REV3L: variants seen among roughly 807,000 people sequenced by gnomAD.
The protein encoded by REV3L is DNA polymerase zeta catalytic subunit.
REV3L carries 69 observed loss-of-function variants against 299.4 expected under a neutral mutation model. The ratio of observed to expected loss-of-function variants is 0.23; its 90% confidence interval spans 0.19 to 0.28. The LOEUF (loss-of-function observed/expected upper bound fraction) is 0.28. REV3L is among the 10% of genes least tolerant of loss of function. The pLI, the probability that REV3L is intolerant of heterozygous loss-of-function variation, is 1.00. For missense variants in REV3L, 3,128 were observed against 3,693.8 expected (o/e 0.85, Z 3.97); for synonymous variants, 1,238 against 1,271.4 (o/e 0.97, Z 0.56).
At chr6:111,352,038 A>C (rs1374609587) in intron 18 of REV3L, among the ~76,000 whole-genome samples, 2 of 150,740 alleles carry the variant, frequency 1.3e-5, no homozygotes, top group Non-Finnish European at 3.0e-5. Flanking sequence ...ATGGGGTCTC[A>C]CTCTGTTGTC....
In REV3L at chr6:111,390,115, G is replaced by A. The variant is rs768952847; in HGVS notation, c.728C>T (p.Ala243Val). 1.2e-6 allele frequency: 2 copies of A among 1,609,298 alleles called. No individual in the cohort carries two copies. The highest frequency in any genetic ancestry group is 1.7e-6 in the Non-Finnish European group (2 of 1,175,856). The change falls in exon 6 of 32, where the codon GCT (alanine) becomes GTT (valine). Residue 243 changes from alanine to valine, a missense_variant. Around this residue, in one of 9 missense-constraint regions of REV3L, gnomAD observed 2,409 missense variants for 2,611.8 expected, o/e 0.92. Transcript: ENST00000368802. ...AATGTCCAGACGATTTAAGATATCAGCAGCTACAGCATCCACTTCTAATTC... is the reference window on the plus strand; with the variant it reads ...AATGTCCAGACGATTTAAGATATCAACAGCTACAGCATCCACTTCTAATTC... ...TCELEVDAVA[A>V]DILNRLDIEA...
chr6:111,432,055 C>T (rs1195768318), intron 1 of REV3L, among the ~76,000 whole-genome samples: 1 of 152,036 alleles, frequency 6.6e-6, no homozygotes, highest in African/African-American at 2.4e-5. Context: ...AAACCTATAA[C>T]AGATTCACTA....
intron 30 of REV3L, 25 bp from the exon 31 acceptor site, chr6:111,307,595 A>G (rs755789126): frequency 1.2e-6 from 2 of 1,609,602 alleles, no homozygotes; most frequent in Non-Finnish European, 1.7e-6. Context: ...ATTCAGAAGT[A>G]AGCCTGAGTC....
At chr6:111,397,090 ATTTT>A (rs74625603) in intron 4 of REV3L, among the ~76,000 whole-genome samples, 1 of 140,096 alleles carries the variant, frequency 7.1e-6, no homozygotes, top group Non-Finnish European at 1.6e-5. Flanking sequence ...GATCTTTTGT[ATTTT>A]TTTTTTTAGT....
At position 111,363,986 on chromosome 6, in the gene REV3L, A is replaced by G; in HGVS notation, c.6754-8T>C. The G allele has an allele frequency of 1.9e-6, 3 of 1,602,022 alleles. No individual in the cohort carries two copies. The South Asian group carries it at 3.4e-5, about 18-fold the overall frequency. On this transcript the variant is annotated splice_region_variant and splice_polypyrimidine_tract_variant and intron_variant, in intron 15 of 31. Transcript: ENST00000368802. Reference sequence around the variant, plus strand: ...TACTGCTGCAAATTGATTCTATAAAAAAAAACACACACACACACAGCCAGA... The same window carrying G: ...TACTGCTGCAAATTGATTCTATAAAGAAAAACACACACACACACAGCCAGA...
At chr6:111,369,696 AAAAC>A (rs2115043926) in intron 13 of REV3L, among the ~76,000 whole-genome samples, 1 of 152,106 alleles carries the variant, frequency 6.6e-6, no homozygotes, top group Non-Finnish European at 1.5e-5. Context: ...TTCACAAAAC[AAAAC>A]AAACTAAAAA....
chr6:111,367,756 T>G lies in REV3L; in HGVS notation c.6032A>C (p.Gln2011Pro). Residue 2011 changes from glutamine (Q) to proline (P), a missense_variant, in exon 14 of 32, where the codon CAA becomes CCA. By Grantham distance (76) the Gln-to-Pro change is moderately conservative. Coordinates refer to ENST00000368802, the MANE Select transcript of REV3L (RefSeq NM_001372078.1). ...PSRQLVQVWLQAKEEYERSKK... is the reference protein window; with the variant it reads ...PSRQLVQVWLPAKEEYERSKK... ...GGAACGTTCGTATTCTTCTTTGGCT[T>G]GAAGCCACACTTGAACCAGTTGTCG... 1 of 1,614,128 alleles carries G rather than the reference T, an allele frequency of 6.2e-7. No individual in the cohort carries two copies. The highest frequency in any genetic ancestry group is 2.2e-5 in the East Asian group (1 of 44,892).
chr6:111,407,246 T>A (rs1783741331), intron 3 of REV3L, among the ~76,000 whole-genome samples: 1 of 152,192 alleles, frequency 6.6e-6, no homozygotes, highest in Non-Finnish European at 1.5e-5. Flanking sequence ...GAAATGAGGC[T>A]ATTCATATAC....
At chr6:111,329,023 T>C (rs1582537740) in intron 25 of REV3L, among the ~76,000 whole-genome samples, 1 of 152,288 alleles carries the variant, frequency 6.6e-6, no homozygotes, top group South Asian at 2.1e-4. Flanking sequence ...TGCCTTGGCC[T>C]CCCAAAGTGT....
In REV3L at chr6:111,343,760, T is replaced by C. The variant is rs1036866676; in HGVS notation, c.7538+165A>G. Among the ~76,000 whole-genome samples the C allele has an allele frequency of 4.6e-5, 7 of 152,150 alleles. 1 individual carries two copies. Among genetic ancestry groups the C allele is most frequent in the Admixed American group, 3.9e-4 (6 of 15,274 alleles). On this transcript the variant is annotated intron_variant, in intron 21 of 31. Transcript: ENST00000368802. ...GGCCAGGCTGGTCTCGAACTCCTGA[T>C]GTCAGGTGATGTGCCCGCCTCGGCC...
At chr6:111,404,603 A>G (rs1783429298) in intron 4 of REV3L, among the ~76,000 whole-genome samples, 1 of 152,216 alleles carries the variant, frequency 6.6e-6, no homozygotes, top group Non-Finnish European at 1.5e-5. Flanking sequence ...AAGATGCTCT[A>G]GGCTGCTCTG....
chr6:111,397,047 G>C (rs1401736724), intron 4 of REV3L, among the ~76,000 whole-genome samples: 1 of 149,084 alleles, frequency 6.7e-6, no homozygotes, highest in Non-Finnish European at 1.5e-5. Flanking sequence ...GCGATTTATT[G>C]ATCTTTTCAA....
rs36213449 is a variant in REV3L, at chr6:111,474,988, TACACACACAC to T, written c.139+7752_139+7761del. On this transcript the variant is annotated intron_variant, in intron 1 of 31. Transcript: ENST00000368802. Reference sequence around the variant, plus strand: ...ATTACATTCTATAGCTGCCTATATATACACACACACACACACACACACACACACACACACA... The same window carrying T: ...ATTACATTCTATAGCTGCCTATATATACACACACACACACACACACACACA... Among the ~76,000 whole-genome samples, 207 of 145,804 alleles carry T rather than the reference TACACACACAC, an allele frequency of 1.4e-3. 1 individual carries two copies. The highest frequency in any genetic ancestry group is 2.1e-3 in the Non-Finnish European group (140 of 66,572).
At chr6:111,357,674 C>T (rs956863065) in intron 17 of REV3L, among the ~76,000 whole-genome samples, 2 of 151,668 alleles carry the variant, frequency 1.3e-5, no homozygotes, top group Non-Finnish European at 2.9e-5. Context: ...ACCTGGGCAA[C>T]AGAGCGAGAC....
At chr6:111,354,391 A>AT (rs1291107801) in intron 18 of REV3L, among the ~76,000 whole-genome samples, 1 of 152,166 alleles carries the variant, frequency 6.6e-6, no homozygotes, top group Non-Finnish European at 1.5e-5. Context: ...AAAGCTGTCT[A>AT]TTTTTATAAA....
In REV3L at chr6:111,482,941, A is replaced by G. The variant is rs1204993914; in HGVS notation, c.-53T>C. 1.2e-5 allele frequency: 18 copies of G among 1,469,312 alleles called. No individual in the cohort carries two copies. The highest frequency in any genetic ancestry group is 5.6e-5 in the South Asian group (4 of 71,088). The allele number at this position is 1,469,312 out of a possible 1,614,324, so 91.0% of individuals were successfully genotyped here. A position where few individuals can be genotyped will look rare whatever the true frequency, so the allele number is the denominator to read the frequency against. The stretch of plus-strand genomic sequence containing the variant: ...TCACTGGCGACCCGGCAGCGGCAGC[A>G]GCAGCGGCGGCGGCTCCCTCCGCAG... On this transcript the variant is annotated 5_prime_UTR_variant, in exon 1 of 32. Transcript: ENST00000368802.
chr6:111,377,949 T>C (rs1780476644), intron 11 of REV3L, 106 bp from the exon 12 acceptor site: 1 of 846,266 alleles, frequency 1.2e-6, no homozygotes, highest in South Asian at 2.2e-5. Context: ...CTAAGTTAAC[T>C]ATAATAATGT....
At chr6:111,355,164 G>C (rs779314929) in intron 18 of REV3L, among the ~76,000 whole-genome samples, 2 of 151,964 alleles carry the variant, frequency 1.3e-5, no homozygotes, top group Non-Finnish European at 2.9e-5. Context: ...ATTACTTTTC[G>C]TGTTTGTCAC....
Position 111,374,631 on chromosome 6 carries a change from C to A in REV3L, c.3724G>T (p.Val1242Leu). The change falls in exon 13 of 32, where the codon GTA becomes TTA. Residue 1242 changes from valine to leucine, a missense_variant. Transcript: ENST00000368802. ...TCAGACACATTCTGGTGTTTCAGTA[C>A]AAACTTAACCTCAGCACCAGACTGA... ...KSQSGAEVKF[V>L]LKHQNVSEFA... 1 of 1,613,582 alleles carries A rather than the reference C, an allele frequency of 6.2e-7. No individual in the cohort carries two copies. Among genetic ancestry groups the A allele is most frequent in the East Asian group, 2.2e-5 (1 of 44,882 alleles).
Sources: gnomAD v4.1 joint callset for allele counts (sites outside exome capture counted in the v4.1 genomes callset) on GRCh38, gnomAD v4.1.1 for gene constraint, gnomAD v4.1.1 regional missense constraint, MANE v1.5 for transcripts, NCBI Gene and HGNC (gene_info 2026-07-23, HGNC 2026-07-21) for gene names.